Variants in SCN9A observed in about 807,000 individuals in gnomAD.
SCN9A encodes the protein sodium voltage-gated channel alpha subunit 9, also known as sodium channel protein type 9 subunit alpha.
SCN9A carries 131 observed loss-of-function variants against 187.0 expected under a neutral mutation model. The observed-to-expected ratio is 0.70, with a 90% CI of 0.61 to 0.81. The LOEUF (loss-of-function observed/expected upper bound fraction) is 0.81, where lower values mean the gene tolerates loss of function less well. Among genes scored for constraint, SCN9A ranks in the 30% least tolerant of loss-of-function variants. The probability of loss-of-function intolerance (pLI) is 0.00; values close to 1 mark genes in which losing one functional copy is unlikely to be tolerated. For synonymous variants in SCN9A, 809 were observed against 808.6 expected (o/e 1.00, Z -0.01); for missense variants, 2,252 against 2,396.6 (o/e 0.94, Z 1.26).
At chr2:166,270,762 GATAT>G (rs60551465) in intron 17 of SCN9A, among the ~76,000 whole-genome samples, 35 of 143,712 alleles carry the variant, frequency 2.4e-4, no homozygotes, top group South Asian at 8.9e-4. Flanking sequence ...GCATTTTACT[GATAT>G]ATATATATAT....
intron 1 of SCN9A, among the ~76,000 whole-genome samples, chr2:166,342,466 C>G (rs1011315586): frequency 6.6e-6 from 1 of 152,090 alleles, no homozygotes; most frequent in Admixed American, 6.6e-5. Flanking sequence ...TTAAGTGTTA[C>G]AAACATTATG....
chr2:166,274,399 T>C (rs1030945694), intron 16 of SCN9A, among the ~76,000 whole-genome samples: 1 of 152,136 alleles, frequency 6.6e-6, no homozygotes, highest in Admixed American at 6.6e-5. Context: ...TTTCCTGATA[T>C]AGACCCGAGC....
Position 166,284,824 on chromosome 2 carries a change from A to C in SCN9A, c.1603T>G (p.Ser535Ala), listed in dbSNP as rs774903062. The C allele has an allele frequency of 3.8e-6, 6 of 1,594,302 alleles. No individual in the cohort carries two copies. In the Admixed American group the frequency reaches 1.1e-4, roughly 28 times the overall value. ...HEKRLSTPNQ[S>A]PLSIRGSLFS... ...AAGGAGCCACGAATGCTGAGTGGTG[A>C]CTGCAGAAAAATTAAAAAAAACGTG... The change falls in exon 12 of 27, where the codon TCA becomes GCA. Residue 535 changes from serine (S) to alanine (A), a missense_variant and splice_region_variant. Physicochemically the swap from Ser to Ala is moderately conservative, Grantham distance 99. Transcript: ENST00000642356.
chr2:166,357,864 C>A (rs536545503), intron 1 of SCN9A, among the ~76,000 whole-genome samples: 1 of 152,036 alleles, frequency 6.6e-6, no homozygotes, highest in Non-Finnish European at 1.5e-5. Context: ...AAGATGCCAC[C>A]TTTTGAAACT....
chr2:166,347,659 T>G (rs1574951002), intron 1 of SCN9A, among the ~76,000 whole-genome samples: 1 of 152,334 alleles, frequency 6.6e-6, no homozygotes, highest in African/African-American at 2.4e-5. Flanking sequence ...GCTGCTACTA[T>G]TCCATCATTT....
intron 2 of SCN9A, among the ~76,000 whole-genome samples, chr2:166,308,676 A>T (rs1477473201): frequency 6.6e-6 from 1 of 152,134 alleles, no homozygotes; most frequent in East Asian, 1.9e-4. Flanking sequence ...TGTTCCCAGC[A>T]CTTTGGGAGG....
chr2:166,216,618 T>G (rs998138989), intron 24 of SCN9A, among the ~76,000 whole-genome samples: 5 of 151,834 alleles, frequency 3.3e-5, no homozygotes, highest in African/African-American at 4.8e-5. Context: ...AATTAAGAAA[T>G]TAATCCTATT....
At chr2:166,300,749 A>T (rs1020546210) in intron 7 of SCN9A, among the ~76,000 whole-genome samples, 2 of 150,936 alleles carry the variant, frequency 1.3e-5, no homozygotes, top group Non-Finnish European at 2.9e-5. Context: ...CTCTTCACTA[A>T]AACTACATTT....
At chr2:166,354,807 G>C (rs542614723) in intron 1 of SCN9A, among the ~76,000 whole-genome samples, 21 of 152,182 alleles carry the variant, frequency 1.4e-4, no homozygotes, top group Non-Finnish European at 2.9e-4. Context: ...TTTATTTGCA[G>C]AAAGTTGCAC....
At chr2:166,253,058 T>C (rs981358810) in intron 17 of SCN9A, among the ~76,000 whole-genome samples, 5 of 151,940 alleles carry the variant, frequency 3.3e-5, no homozygotes, top group African/African-American at 9.7e-5. Flanking sequence ...ATTCTCAATC[T>C]ATGAATTTGT....
chr2:166,340,980 A>G (rs1278996113), intron 1 of SCN9A, among the ~76,000 whole-genome samples: 1 of 152,082 alleles, frequency 6.6e-6, no homozygotes, highest in Non-Finnish European at 1.5e-5. Context: ...CTGTGTATTT[A>G]TTCTATATTT....
chr2:166,235,178 C>T (rs920707658), intron 20 of SCN9A, among the ~76,000 whole-genome samples: 2 of 152,094 alleles, frequency 1.3e-5, no homozygotes, highest in African/African-American at 4.8e-5. Context: ...TAGACTAAGA[C>T]ATGTCTGTTA....
At position 166,202,429 on chromosome 2, in the gene SCN9A, T is replaced by TAC. The variant is rs1383478440; in HGVS notation, c.4774+1525_4774+1526insGT. Among the ~76,000 whole-genome samples the TAC allele has an allele frequency of 1.2e-4, 6 of 50,382 alleles. 1 individual carries two copies. The highest frequency in any genetic ancestry group is 3.4e-4 in the African/African-American group (6 of 17,776). The allele number at this position is 50,382 out of a possible 152,430, so 33.1% of individuals were successfully genotyped here. A position where few individuals can be genotyped will look rare whatever the true frequency, so the allele number is the denominator to read the frequency against. ...TATTTGAACAGTTTTATTTAACATCTATATGTCTTAATATTTTGCAGAATA... is the reference window on the plus strand; with the variant it reads ...TATTTGAACAGTTTTATTTAACATCTACATATGTCTTAATATTTTGCAGAATA... On this transcript the variant is annotated intron_variant, in intron 26 of 26. Transcript: ENST00000642356.
intron 14 of SCN9A, 107 bp downstream of exon 14, chr2:166,280,250 G>A (rs1306374671): frequency 7.5e-6 from 5 of 668,752 alleles, no homozygotes; most frequent in East Asian, 2.7e-5. Flanking sequence ...TTCTGGATAT[G>A]CATAATTCTG....
intron 2 of SCN9A, among the ~76,000 whole-genome samples, chr2:166,309,194 C>A (rs1003246529): frequency 3.3e-5 from 5 of 152,014 alleles, no homozygotes; most frequent in African/African-American, 1.2e-4. Context: ...CGGAGGTCAT[C>A]TGAGCTAACA....
intron 18 of SCN9A, among the ~76,000 whole-genome samples, chr2:166,248,043 A>G (rs1454458489): frequency 6.6e-6 from 1 of 152,188 alleles, no homozygotes; most frequent in Non-Finnish European, 1.5e-5. Context: ...AATGAAATAC[A>G]TTAGTAAAGT....
At chr2:166,317,372 A>G (rs771562041) in intron 1 of SCN9A, among the ~76,000 whole-genome samples, 1 of 152,086 alleles carries the variant, frequency 6.6e-6, no homozygotes, top group Non-Finnish European at 1.5e-5. Flanking sequence ...CTATGATTGT[A>G]TCTTCTTTAG....
At chr2:166,330,766 C>T (rs1699482124) in intron 1 of SCN9A, among the ~76,000 whole-genome samples, 2 of 152,180 alleles carry the variant, frequency 1.3e-5, no homozygotes, top group South Asian at 4.1e-4. Context: ...AAAGCTTGCA[C>T]TTCTCTGAGA....
At chr2:166,251,165 G>A (rs1696018695) in intron 18 of SCN9A, among the ~76,000 whole-genome samples, 1 of 152,040 alleles carries the variant, frequency 6.6e-6, no homozygotes, top group South Asian at 2.1e-4. Context: ...TCAAGCCACA[G>A]GCATGCATGA....
Sources: gnomAD v4.1 joint callset for allele counts (sites outside exome capture counted in the v4.1 genomes callset) on GRCh38, gnomAD v4.1.1 for gene constraint, MANE v1.5 for transcripts, NCBI Gene and HGNC (gene_info 2026-07-23, HGNC 2026-07-21) for gene names.